The following ADSL variants were observed in gnomAD, a reference collection of about 807,000 sequenced individuals.
The protein encoded by ADSL is adenylosuccinate lyase.
Under a neutral mutation model 62.1 loss-of-function variants are expected in ADSL, and 44 were observed. That is an observed-to-expected ratio of 0.71 (90% CI 0.56 to 0.91). ADSL has a LOEUF of 0.91. Ranked by LOEUF, ADSL falls within the 40% of genes least tolerant of loss-of-function variation. The probability of loss-of-function intolerance (pLI) is 0.00; values close to 1 mark genes in which losing one functional copy is unlikely to be tolerated. For synonymous variants in ADSL, 198 were observed against 220.5 expected, an observed-to-expected ratio of 0.90 and a Z score of 0.90; for missense variants, 531 against 627.4, an observed-to-expected ratio of 0.85 and a Z score of 1.64.
rs993802921 is a variant in ADSL, at chr22:40,367,808, A to G, written c.*1286A>G. 1.3e-5 allele frequency: 2 copies of G among 152,988 alleles called. 1 individual carries two copies. Among genetic ancestry groups the G allele is most frequent in the African/African-American group, 4.8e-5 (2 of 41,474 alleles). The allele number at this position is 152,988 out of a possible 1,614,324, so 9.5% of individuals were successfully genotyped here. A position where few individuals can be genotyped will look rare whatever the true frequency, so the allele number is the denominator to read the frequency against. On this transcript the variant is annotated 3_prime_UTR_variant, in exon 13 of 13. Coordinates refer to ENST00000623063, the MANE Select transcript of ADSL (RefSeq NM_000026.4). ...TGTTTATTTGGTAAAATAAGTTTTCATCTCTAACCTAAATCGGCTGAAATG... is the reference window on the plus strand; with the variant it reads ...TGTTTATTTGGTAAAATAAGTTTTCGTCTCTAACCTAAATCGGCTGAAATG...
At chr22:40,361,090 C>T in intron 7 of ADSL, 183 bp from the exon 8 acceptor site, 1 of 717,184 alleles carries the variant, frequency 1.4e-6, no homozygotes, top group Non-Finnish European at 2.5e-6. Flanking sequence ...CATCCCAGTC[C>T]TTCGGGAACA....
At chr22:40,372,025 T>C (rs1031937415), downstream of ADSL, among the ~76,000 whole-genome samples, 8 of 151,274 alleles carry the variant, frequency 5.3e-5, no homozygotes, top group East Asian at 2.0e-4. Context: ...TCTATAGATA[T>C]CTTTCCTGGC....
In ADSL at chr22:40,368,432, A is replaced by G. The variant is rs748039605; in HGVS notation, c.*1910A>G. The G allele has an allele frequency of 1.3e-5, 2 of 152,114 alleles. No homozygotes were observed. Among genetic ancestry groups the G allele is most frequent in the Non-Finnish European group, 2.9e-5 (2 of 68,036 alleles). 9.4% of individuals were successfully genotyped at this position (152,114 alleles called of 1,614,324 possible). ...GGCGATAGGGTCACTTGAGCCCAAG[A>G]GTTTAGTCCAGGCTGGGTGACAGCG... On this transcript the variant is annotated 3_prime_UTR_variant, in exon 13 of 13. Transcript: ENST00000623063.
At position 40,346,712 on chromosome 22, in the gene ADSL, G is replaced by T. The variant is rs1555903969; in HGVS notation, c.153+1G>T. 6.2e-7 allele frequency: 1 copy of T among 1,603,100 alleles called. No homozygotes were observed. The highest frequency in any genetic ancestry group is 8.5e-7 in the Non-Finnish European group (1 of 1,177,412). Reference sequence around the variant, plus strand: ...GCTGTGGCTGGCGGAGGCCGAGCAGGTAACGGATCCCGGGCTGAGGGGCTG... The same window carrying T: ...GCTGTGGCTGGCGGAGGCCGAGCAGTTAACGGATCCCGGGCTGAGGGGCTG... On this transcript the variant is annotated splice_donor_variant, in intron 1 of 12. Coordinates refer to ENST00000623063, the MANE Select transcript of ADSL (RefSeq NM_000026.4). LOFTEE classifies it high-confidence loss of function.
intron 2 of ADSL, among the ~76,000 whole-genome samples, chr22:40,374,736 C>CA (rs925803916): frequency 2.0e-5 from 3 of 152,210 alleles, no homozygotes; most frequent in African/African-American, 7.2e-5. Flanking sequence ...ATAAAATTGC[C>CA]AGTCATGGTG....
At position 40,358,850 on chromosome 22, in the gene ADSL, C is replaced by G. The variant is rs369824002; in HGVS notation, c.483-14C>G. The G allele has an allele frequency of 6.2e-7, 1 of 1,614,098 alleles. No homozygotes were observed. The highest frequency in any genetic ancestry group is 1.1e-5 in the South Asian group (1 of 91,066). On this transcript the variant is annotated splice_polypyrimidine_tract_variant and intron_variant, in intron 4 of 12. Transcript: ENST00000623063. ...TCGGTCTGAGACTTTCGTGTGTTCT[C>G]TTTGGGTTTTCAGGCCTGCACAGCT...
In ADSL at chr22:40,364,264, C is replaced by G. The variant is rs746879273; in HGVS notation, c.1102-12C>G. 3.7e-6 allele frequency: 6 copies of G among 1,612,986 alleles called. No homozygotes were observed. The highest frequency in any genetic ancestry group is 5.1e-6 in the Non-Finnish European group (6 of 1,179,410). On this transcript the variant is annotated splice_polypyrimidine_tract_variant and intron_variant, in intron 10 of 12. Coordinates refer to ENST00000623063, the MANE Select transcript of ADSL (RefSeq NM_000026.4). ...CACCTTTCTTGGTCATTCACCGTAT[C>G]TTTTCCTATAGGTAATTGAACGGCG... is the stretch of plus-strand genomic sequence containing the variant.
In ADSL at chr22:40,368,875, G is replaced by C. The variant is rs1382408357; in HGVS notation, c.*2353G>C. 6.6e-6 allele frequency: 1 copy of C among 152,312 alleles called. No homozygotes were observed. Among genetic ancestry groups the C allele is most frequent in the African/African-American group, 2.4e-5 (1 of 41,454 alleles). The allele number at this position is 152,312 out of a possible 1,614,324, so 9.4% of individuals were successfully genotyped here. On this transcript the variant is annotated 3_prime_UTR_variant, in exon 13 of 13. Transcript: ENST00000623063. ...GGAGGCAGAAGTTGCAGTGAGCCAA[G>C]ATCATGCCACTGTACTCCAGCCTGG...
At chr22:40,346,863 A>G in intron 1 of ADSL, 152 bp downstream of exon 1, 4 of 809,642 alleles carry the variant, frequency 4.9e-6, no homozygotes, top group Non-Finnish European at 7.6e-6. Context: ...CTGCGGCCCC[A>G]GGAAAGCAAG....
chr22:40,385,547 A>T (rs1253028100), intron 2 of ADSL, among the ~76,000 whole-genome samples: 3 of 152,216 alleles, frequency 2.0e-5, no homozygotes, highest in African/African-American at 7.2e-5. Flanking sequence ...GAGGGCGGGC[A>T]GAAAGAGCAA....
At chr22:40,371,377 G>A (rs1053604594), downstream of ADSL, among the ~76,000 whole-genome samples, 2 of 152,238 alleles carry the variant, frequency 1.3e-5, no homozygotes, top group African/African-American at 4.8e-5. Context: ...GTCTCACGCT[G>A]CACGTTTGTG....
intron 4 of ADSL, among the ~76,000 whole-genome samples, chr22:40,355,997 G>A (rs1278551083): frequency 6.8e-6 from 1 of 146,800 alleles, no homozygotes; most frequent in Non-Finnish European, 1.5e-5. Context: ...GACCAGCCTG[G>A]CTCACATGGT....
At chr22:40,380,935 AAAAT>A (rs976652870) in intron 2 of ADSL, among the ~76,000 whole-genome samples, 29 of 152,264 alleles carry the variant, frequency 1.9e-4, no homozygotes, top group Non-Finnish European at 2.6e-4. Flanking sequence ...ACCCTGCTCA[AAAAT>A]AAATTAATAA....
chr22:40,372,289 G>A (rs947099319), downstream of ADSL, among the ~76,000 whole-genome samples: 4 of 151,850 alleles, frequency 2.6e-5, no homozygotes, highest in East Asian at 5.8e-4. Context: ...ACCACACCCG[G>A]ATAATTTTTT....
intron 2 of ADSL, among the ~76,000 whole-genome samples, chr22:40,380,352 T>C (rs1050343030): frequency 6.6e-6 from 1 of 150,802 alleles, no homozygotes; most frequent in East Asian, 1.9e-4. Context: ...TTTTTAACCA[T>C]GAATATCTAT....
rs1231042271 is a variant in ADSL, at chr22:40,349,854, A to G, written c.176A>G (p.Asp59Gly). Residue 59 changes from aspartate (D) to glycine (G), a missense_variant, in exon 2 of 13, where the codon GAT becomes GGT. This residue lies in a region of ADSL where 471 missense variants were observed against 592.9 expected (regional missense o/e 0.79). Coordinates refer to ENST00000623063, the MANE Select transcript of ADSL (RefSeq NM_000026.4). ...CAGACATTGGGTTTGCCTATCACAG[A>G]TGAACAAATCCAGGAGATGAAATCA... ...AEQTLGLPIT[D>G]EQIQEMKSNL... 1.9e-6 allele frequency: 3 copies of G among 1,613,994 alleles called. No individual in the cohort carries two copies. The highest frequency in any genetic ancestry group is 8.5e-7 in the Non-Finnish European group (1 of 1,180,020).
chr22:40,352,946 A>G (rs1188593341), intron 2 of ADSL, 127 bp from the exon 3 acceptor site: 1 of 732,992 alleles, frequency 1.4e-6, no homozygotes, highest in East Asian at 2.7e-5. Context: ...TGGCGTGCTT[A>G]GTGGGTTGGT....
Position 40,358,848 on chromosome 22 carries a change from C to G in ADSL, c.483-16C>G, listed in dbSNP as rs777453412. The G allele has an allele frequency of 3.1e-6, 5 of 1,613,864 alleles. No individual in the cohort carries two copies. The highest frequency in any genetic ancestry group is 3.4e-6 in the Non-Finnish European group (4 of 1,179,938). The stretch of plus-strand genomic sequence containing the variant: ...TCTCGGTCTGAGACTTTCGTGTGTT[C>G]TCTTTGGGTTTTCAGGCCTGCACAG... On this transcript the variant is annotated splice_polypyrimidine_tract_variant and intron_variant, in intron 4 of 12. Transcript: ENST00000623063.
chr22:40,353,013 T>C (rs1245227106), intron 2 of ADSL, 60 bp from the exon 3 acceptor site: 10 of 1,473,288 alleles, frequency 6.8e-6, no homozygotes, highest in East Asian at 2.3e-5. Flanking sequence ...AAAAGTGTTA[T>C]GTAATAATAT....
Sources: gnomAD v4.1 joint callset for allele counts (sites outside exome capture counted in the v4.1 genomes callset) on GRCh38, gnomAD v4.1.1 for gene constraint, gnomAD v4.1.1 regional missense constraint, MANE v1.5 for transcripts, NCBI Gene and HGNC (gene_info 2026-07-23, HGNC 2026-07-21) for gene names.